CASK: variants seen among roughly 807,000 people sequenced by gnomAD.
CASK encodes calcium/calmodulin dependent serine protein kinase.
A neutral mutation model predicts 82.9 loss-of-function variants in CASK; 4 were observed. The ratio of observed to expected loss-of-function variants is 0.05; its 90% CI spans 0.02 to 0.11. CASK has a LOEUF of 0.11. CASK is among the 10% of genes least tolerant of loss of function. CASK has a pLI of 1.00. For missense variants in CASK, 358 were observed against 720.9 expected, an observed-to-expected ratio of 0.50 and a Z score of 5.76; for synonymous variants, 259 against 253.5, an observed-to-expected ratio of 1.02 and a Z score of -0.20.
chrX:41,718,805 C>T (rs1386394372), intron 5 of CASK, among the ~76,000 whole-genome samples: 1 of 111,746 alleles, frequency 8.9e-6, no homozygotes, highest in Non-Finnish European at 1.9e-5. Context: ...AGGGAGGCAG[C>T]ACAAGAGAGA....
chrX:41,705,366 G>A (rs2067868006), intron 5 of CASK, among the ~76,000 whole-genome samples: 1 of 111,281 alleles, frequency 9.0e-6, no homozygotes, highest in African/African-American at 3.3e-5. Flanking sequence ...AGACCAGCCT[G>A]GGCAACATAG....
chrX:41,741,489 A>G (rs2068596977), intron 4 of CASK, among the ~76,000 whole-genome samples: 1 of 112,156 alleles, frequency 8.9e-6, no homozygotes, highest in Admixed American at 9.5e-5. Flanking sequence ...TTTTGGATAC[A>G]AAGCACTGAG....
At chrX:41,743,836 G>A in intron 4 of CASK, 1 of 281,525 alleles carries the variant, frequency 3.6e-6, no homozygotes, top group Non-Finnish European at 6.2e-6. Flanking sequence ...AGGAACAGTA[G>A]GTAGTTCATG....
At position 41,559,861 on chromosome X, in the gene CASK, G is replaced by T. The variant is rs1029770398; in HGVS notation, c.1669-14C>A. On this transcript the variant is annotated splice_polypyrimidine_tract_variant and intron_variant, in intron 17 of 26. Coordinates refer to ENST00000378163, the MANE Select transcript of CASK (RefSeq NM_001367721.1). The stretch of plus-strand genomic sequence containing the variant: ...CCGCATTTCCCTCTGGAGGGGGGGT[G>T]GTGGGAAAGAAAGAAAAGTTTTCTT... 1 of 1,194,522 alleles carries T rather than the reference G, an allele frequency of 8.4e-7. No individual in the cohort carries two copies. The highest frequency in any genetic ancestry group is 1.1e-6 in the Non-Finnish European group (1 of 880,893).
intron 11 of CASK, among the ~76,000 whole-genome samples, chrX:41,615,203 C>T (rs2066172862): frequency 1.8e-5 from 2 of 111,771 alleles, no homozygotes; most frequent in South Asian, 7.5e-4. Flanking sequence ...AGATAAATGG[C>T]AGAAATCAGT....
intron 2 of CASK, among the ~76,000 whole-genome samples, chrX:41,826,779 G>A (rs780239481): frequency 8.9e-6 from 1 of 112,102 alleles, no homozygotes; most frequent in Admixed American, 9.4e-5. Flanking sequence ...GCCCAGCCAA[G>A]ATTAGTTTTA....
At chrX:41,877,955 TACC>T (rs56296067) in intron 1 of CASK, among the ~76,000 whole-genome samples, 18,254 of 109,979 alleles carry the variant, frequency 0.17, 1,469 homozygotes, top group Non-Finnish European at 0.24. Context: ...TATATAATTT[TACC>T]ACAATTAAAT....
intron 9 of CASK, among the ~76,000 whole-genome samples, chrX:41,633,552 G>A (rs894176244): frequency 7.3e-5 from 8 of 109,585 alleles, no homozygotes. Context: ...TCTGTGCTCA[G>A]AACGATGTAG....
chrX:41,750,830 A>T (rs1409208682), intron 3 of CASK, among the ~76,000 whole-genome samples: 2 of 112,080 alleles, frequency 1.8e-5, no homozygotes, highest in Non-Finnish European at 3.8e-5. Flanking sequence ...CAACAGGATT[A>T]TCTGGAGTTG....
At chrX:41,892,500 A>T (rs1046157359) in intron 1 of CASK, among the ~76,000 whole-genome samples, 3 of 109,493 alleles carry the variant, frequency 2.7e-5, no homozygotes, top group African/African-American at 6.7e-5. Flanking sequence ...ACCCAGCTAA[A>T]TTTTTTGTAT....
chrX:41,638,251 T>C (rs918555918), intron 8 of CASK, among the ~76,000 whole-genome samples: 4 of 110,648 alleles, frequency 3.6e-5, no homozygotes, highest in African/African-American at 6.6e-5. Flanking sequence ...GTAAGAGGGA[T>C]TGGGTACCTT....
At chrX:41,649,124 G>A (rs1235603428) in intron 8 of CASK, among the ~76,000 whole-genome samples, 2 of 110,961 alleles carry the variant, frequency 1.8e-5, no homozygotes, top group African/African-American at 3.3e-5. Context: ...TTTTTATTGC[G>A]TCTATTTGAT....
At chrX:41,573,218 T>C (rs2065440324) in intron 15 of CASK, among the ~76,000 whole-genome samples, 1 of 106,964 alleles carries the variant, frequency 9.3e-6, no homozygotes, top group African/African-American at 3.4e-5. Context: ...TTTCTTTTTT[T>C]TTTTGTTTTT....
intron 5 of CASK, among the ~76,000 whole-genome samples, chrX:41,677,939 A>G (rs1354886718): frequency 8.9e-6 from 1 of 112,505 alleles, no homozygotes; most frequent in Non-Finnish European, 1.9e-5. Context: ...TTTTTGCTTC[A>G]TCTATCCCCA....
intron 5 of CASK, among the ~76,000 whole-genome samples, chrX:41,711,445 C>G (rs1029465469): frequency 1.8e-5 from 2 of 111,448 alleles, no homozygotes; most frequent in African/African-American, 3.3e-5. Context: ...CTCACAGAAA[C>G]ATGTGGTTTG....
At chrX:41,839,416 G>A (rs923072523) in intron 2 of CASK, among the ~76,000 whole-genome samples, 5 of 111,313 alleles carry the variant, frequency 4.5e-5, no homozygotes, top group African/African-American at 1.6e-4. Flanking sequence ...ACTGCAAATG[G>A]TACTATGTTT....
intron 9 of CASK, among the ~76,000 whole-genome samples, chrX:41,627,702 A>T (rs2066402499): frequency 8.9e-6 from 1 of 112,485 alleles, no homozygotes; most frequent in African/African-American, 3.2e-5. Context: ...CTTATCTGTA[A>T]AGTAAGAATA....
intron 2 of CASK, among the ~76,000 whole-genome samples, chrX:41,787,981 T>C (rs2069647029): frequency 9.1e-6 from 1 of 109,311 alleles, no homozygotes; most frequent in African/African-American, 3.3e-5. Context: ...CATGGCGAAA[T>C]CACATCTCTA....
chrX:41,922,074 CAAG>C (rs768172935), intron 1 of CASK, among the ~76,000 whole-genome samples: 1 of 111,075 alleles, frequency 9.0e-6, no homozygotes, highest in Non-Finnish European at 1.9e-5. Flanking sequence ...TACTGTTTGA[CAAG>C]AATGAAAAGG....
Sources: gnomAD v4.1 joint callset for allele counts (sites outside exome capture counted in the v4.1 genomes callset) on GRCh38, gnomAD v4.1.1 for gene constraint, MANE v1.5 for transcripts, NCBI Gene and HGNC (gene_info 2026-07-23, HGNC 2026-07-21) for gene names.